The following FKBP4 variants were observed in gnomAD, a reference collection of about 807,000 sequenced individuals.
FKBP4 encodes FKBP prolyl isomerase 4.
A neutral mutation model predicts 54.1 loss-of-function variants in FKBP4; 28 were observed. The ratio of observed to expected loss-of-function variants is 0.52; its 90% CI spans 0.38 to 0.71. The LOEUF (loss-of-function observed/expected upper bound fraction) is 0.71. FKBP4 is among the 30% of genes least tolerant of loss of function. FKBP4 has a pLI of 0.00. For missense variants in FKBP4, 493 were observed against 574.4 expected (o/e 0.86, Z 1.45); for synonymous variants, 223 against 216.1 (o/e 1.03, Z -0.28).
intron 1 of FKBP4, chr12:2,796,554 C>G (rs1390834223): frequency 4.2e-6 from 5 of 1,188,846 alleles, no homozygotes; most frequent in Non-Finnish European, 5.3e-6. Context: ...GAGGAATACT[C>G]AGCTCCCAAG....
At position 2,801,150 on chromosome 12, in the gene FKBP4, C is replaced by T. The variant is rs199705099; in HGVS notation, c.1066C>T (p.Leu356Phe). ...LELDSNNEKGLFRRGEAHLAV... is the reference protein window; with the variant it reads ...LELDSNNEKGFFRRGEAHLAV... ...ACTGGACAGCAACAACGAGAAGGGC[C>T]TCTTCCGCCGGGGAGAGGCCCACCT... Residue 356 changes from leucine to phenylalanine, a missense_variant, in exon 9 of 10, where the codon CTC becomes TTC. Physicochemically the swap from Leu to Phe is conservative, Grantham distance 22. Coordinates refer to ENST00000001008, the MANE Select transcript of FKBP4 (RefSeq NM_002014.4). 84 of 1,613,906 alleles carry T rather than the reference C, an allele frequency of 5.2e-5. No homozygotes were observed. The East Asian group carries it at 1.7e-3, about 33-fold the overall frequency.
chr12:2,800,134 G>C lies in FKBP4; in HGVS notation c.846+12G>C. On this transcript the variant is annotated intron_variant, in intron 7 of 9. Coordinates refer to ENST00000001008, the MANE Select transcript of FKBP4 (RefSeq NM_002014.4). ...CTGTGTACTTCAAGGTGAGCCAACA[G>C]TCATTGTCCTAAGGACACTCCCAGG... is the stretch of plus-strand genomic sequence containing the variant. 6.2e-7 allele frequency: 1 copy of C among 1,612,174 alleles called. No homozygotes were observed. Among genetic ancestry groups the C allele is most frequent in the Non-Finnish European group, 8.5e-7 (1 of 1,179,284 alleles).
chr12:2,796,873 TTACCA>T, intron 1 of FKBP4: 3 of 1,270,140 alleles, frequency 2.4e-6, no homozygotes, highest in Non-Finnish European at 3.0e-6. Context: ...TTTTAAAAAC[TTACCA>T]TACAGCGGAA....
chr12:2,800,238 A>G lies in FKBP4; in HGVS notation c.846+116A>G, dbSNP rs148182916. On this transcript the variant is annotated intron_variant, in intron 7 of 9. Coordinates refer to ENST00000001008, the MANE Select transcript of FKBP4 (RefSeq NM_002014.4). ...AGAAGTGGACAGGTTGGCACCTGCC[A>G]TCTTCACTTCATATATGTGAGCTTG... 1,507 of 1,380,624 alleles carry G rather than the reference A, an allele frequency of 1.1e-3. 16 individuals are homozygous for G. The African/African-American group carries it at 0.019, about 18-fold the overall frequency. The allele number at this position is 1,380,624 out of a possible 1,614,324, so 85.5% of individuals were successfully genotyped here.
Position 2,801,337 on chromosome 12 carries a change from TG to T in FKBP4, c.1255del (p.Ala419LeufsTer22). ...CTCTATGCCAATATGTTTGAGAGGCTGGCTGAGGAGGAGAACAAGGTGAGGA... is the reference window on the plus strand; with the variant it reads ...CTCTATGCCAATATGTTTGAGAGGCTGCTGAGGAGGAGAACAAGGTGAGGA... ...KKLYANMFER[L>X]AEEENKAKAE... On this transcript the variant is annotated frameshift_variant, in exon 9 of 10. Transcript: ENST00000001008. LOFTEE classifies it low-confidence loss of function (END_TRUNC). 6.2e-7 allele frequency: 1 copy of T among 1,614,196 alleles called. No individual in the cohort carries two copies. Among genetic ancestry groups the T allele is most frequent in the Non-Finnish European group, 8.5e-7 (1 of 1,180,030 alleles).
chr12:2,800,451 T>C lies in FKBP4; in HGVS notation c.906T>C (p.Tyr302=). 4 of 1,614,106 alleles carry C rather than the reference T, an allele frequency of 2.5e-6. No homozygotes were observed. Among genetic ancestry groups the C allele is most frequent in the East Asian group, 2.2e-5 (1 of 44,884 alleles). Residue 302 remains tyrosine (Y), a synonymous_variant, in exon 8 of 10, where the codon TAT becomes TAC. Coordinates refer to ENST00000001008, the MANE Select transcript of FKBP4 (RefSeq NM_002014.4). ...QYKKIVSWLE[Y]ESSFSNEEAQ... ...AGAAGATCGTGTCTTGGCTGGAATA[T>C]GAGTCTAGTTTTTCCAATGAGGAAG...
At chr12:2,797,567 A>G (rs1348214602) in intron 2 of FKBP4, among the ~76,000 whole-genome samples, 162 bp from the exon 3 acceptor site, 2 of 151,988 alleles carry the variant, frequency 1.3e-5, no homozygotes, top group African/African-American at 4.8e-5. Flanking sequence ...CAGTTCTTAG[A>G]CCTGGTAGCA....
chr12:2,800,658 T>TCACCAA, intron 8 of FKBP4, 81 bp downstream of exon 8: 1 of 1,383,990 alleles, frequency 7.2e-7, no homozygotes, highest in Non-Finnish European at 9.7e-7. Flanking sequence ...AACTTCCCCT[T>TCACCAA]GGTGACTAGG....
In FKBP4 at chr12:2,803,276, T is replaced by A; in HGVS notation, c.*18T>A. On this transcript the variant is annotated 3_prime_UTR_variant, in exon 10 of 10. Transcript: ENST00000001008. ...AAGCATAGCCCCTCTCCACCAGCCC[T>A]ACTCCTGCGGCTGCCTGCCCCCCAG... 6.5e-7 allele frequency: 1 copy of A among 1,531,794 alleles called. No homozygotes were observed. The highest frequency in any genetic ancestry group is 8.8e-7 in the Non-Finnish European group (1 of 1,131,646). The allele number at this position is 1,531,794 out of a possible 1,614,324, so 94.9% of individuals were successfully genotyped here.
At position 2,799,225 on chromosome 12, in the gene FKBP4, A is replaced by G. The variant is rs200255491; in HGVS notation, c.652A>G (p.Ile218Val). 27 of 1,534,108 alleles carry G rather than the reference A, an allele frequency of 1.8e-5. No individual in the cohort carries two copies. The highest frequency in any genetic ancestry group is 1.7e-4 in the Middle Eastern group (1 of 5,726). ...GCGCATGGAGAAAGGAGAACATTCC[A>G]TCGTGTACCTCAAGCCCAGGTGAGG... ...IQRMEKGEHSIVYLKPSYAFG... is the reference protein window; with the variant it reads ...IQRMEKGEHSVVYLKPSYAFG... Residue 218 changes from isoleucine to valine, a missense_variant, in exon 5 of 10, where the codon ATC becomes GTC. Ile to Val is a conservative substitution (Grantham distance 29). Coordinates refer to ENST00000001008, the MANE Select transcript of FKBP4 (RefSeq NM_002014.4).
chr12:2,796,088 G>A, intron 1 of FKBP4: 1 of 1,196,370 alleles, frequency 8.4e-7, no homozygotes, highest in Non-Finnish European at 1.1e-6. Context: ...ACCTGCCTTG[G>A]GTCGGAGCAG....
rs758199458 is a variant in FKBP4, at chr12:2,799,116, G to C, written c.543G>C (p.Lys181Asn). 2.6e-6 allele frequency: 4 copies of C among 1,562,824 alleles called. No homozygotes were observed. In the South Asian group the frequency reaches 4.9e-5, roughly 19 times the overall value. ...EVALEGYYKDKLFDQRELRFE... is the reference protein window; with the variant it reads ...EVALEGYYKDNLFDQRELRFE... ...CACTGGAAGGGTACTACAAGGACAA[G>C]CTCTTTGACCAGCGGGAGCTCCGCT... is the stretch of plus-strand genomic sequence containing the variant. The change falls in exon 5 of 10, where the codon AAG (lysine) becomes AAC (asparagine). Residue 181 changes from lysine to asparagine, a missense_variant. By Grantham distance (94) the Lys-to-Asn change is moderately conservative. Coordinates refer to ENST00000001008, the MANE Select transcript of FKBP4 (RefSeq NM_002014.4).
rs1374487830 is a variant in FKBP4 at position 2,804,091 on chromosome 12, C to T, written c.*833C>T. On this transcript the variant is annotated 3_prime_UTR_variant, in exon 10 of 10. Coordinates refer to ENST00000001008, the MANE Select transcript of FKBP4 (RefSeq NM_002014.4). ...ATCTCATGTAGATGCCATAGTTGGGCAGGAAGCAGCCCCACCATGCATGGC... is the reference window on the plus strand; with the variant it reads ...ATCTCATGTAGATGCCATAGTTGGGTAGGAAGCAGCCCCACCATGCATGGC... 1 of 152,592 alleles carries T rather than the reference C, an allele frequency of 6.6e-6. No individual in the cohort carries two copies. The highest frequency in any genetic ancestry group is 1.5e-5 in the Non-Finnish European group (1 of 68,062). The allele number at this position is 152,592 out of a possible 1,614,324, so 9.5% of individuals were successfully genotyped here.
rs571053193 is a variant in FKBP4, at chr12:2,799,527, A to G, written c.671+283A>G. Reference sequence around the variant, plus strand: ...CAGTCATTACTGAAACAGCTACTACATGCCAGGCACTGCTGAAAATTCCTA... The same window carrying G: ...CAGTCATTACTGAAACAGCTACTACGTGCCAGGCACTGCTGAAAATTCCTA... On this transcript the variant is annotated intron_variant, in intron 5 of 9. Transcript: ENST00000001008. Among the ~76,000 whole-genome samples, 198 of 152,360 alleles carry G rather than the reference A, an allele frequency of 1.3e-3. 1 individual carries two copies. Among genetic ancestry groups the G allele is most frequent in the African/African-American group, 4.6e-3 (190 of 41,582 alleles).
At chr12:2,802,956 G>C (rs897335823) in intron 9 of FKBP4, among the ~76,000 whole-genome samples, 195 bp from the exon 10 acceptor site, 2 of 152,080 alleles carry the variant, frequency 1.3e-5, no homozygotes, top group Non-Finnish European at 2.9e-5. Flanking sequence ...TCAAACTTCT[G>C]GGCTCAAGCA....
At chr12:2,796,736 G>T in intron 1 of FKBP4, 1 of 1,066,052 alleles carries the variant, frequency 9.4e-7, no homozygotes, top group Non-Finnish European at 1.1e-6. Context: ...AGGAAGTGTG[G>T]CATAAATACT....
At position 2,795,933 on chromosome 12, in the gene FKBP4, C is replaced by T. The variant is rs1287966628; in HGVS notation, c.105+689C>T. The T allele has an allele frequency of 3.9e-6, 4 of 1,023,172 alleles. No individual in the cohort carries two copies. Among genetic ancestry groups the T allele is most frequent in the Non-Finnish European group, 3.5e-6 (3 of 851,272 alleles). The allele number at this position is 1,023,172 out of a possible 1,614,324, so 63.4% of individuals were successfully genotyped here. A position where few individuals can be genotyped will look rare whatever the true frequency, so the allele number is the denominator to read the frequency against. ...GCATGCCGGGAGCTGTAGTCCCCTC[C>T]CCCCTCCGCCGCCTCCCGGAGCCAG... On this transcript the variant is annotated intron_variant, in intron 1 of 9. Coordinates refer to ENST00000001008, the MANE Select transcript of FKBP4 (RefSeq NM_002014.4). This position sits in a 1 kb window ranked among gnomAD's most constrained non-coding sequence, Gnocchi z 4.3.
chr12:2,799,354 A>T, intron 5 of FKBP4, 110 bp downstream of exon 5: 4 of 1,137,834 alleles, frequency 3.5e-6, no homozygotes, highest in Middle Eastern at 2.1e-4. Context: ...GGCCACACCA[A>T]ACATACACCA....
At chr12:2,797,374 G>T in intron 2 of FKBP4, 92 bp downstream of exon 2, 1 of 1,458,524 alleles carries the variant, frequency 6.9e-7, no homozygotes, top group Non-Finnish European at 9.5e-7. Context: ...AGCTCAGGGA[G>T]GAATGGTTTA....
Sources: gnomAD v4.1 joint callset for allele counts (sites outside exome capture counted in the v4.1 genomes callset) on GRCh38, gnomAD v4.1.1 for gene constraint, Gnocchi (gnomAD v3.1) non-coding constraint, MANE v1.5 for transcripts, NCBI Gene and HGNC (gene_info 2026-07-23, HGNC 2026-07-21) for gene names.